The following C3orf22 variants were observed in gnomAD, a reference collection of about 807,000 sequenced individuals.
The protein encoded by C3orf22 is chromosome 3 open reading frame 22.
In C3orf22, 7 loss-of-function variants were observed where a neutral mutation model predicts 10.8. The ratio of observed to expected loss-of-function variants is 0.65; its 90% CI spans 0.37 to 1.22. C3orf22 has a LOEUF of 1.22. Among genes scored for constraint, C3orf22 ranks in the 50% most tolerant of loss-of-function variants. C3orf22 has a pLI of 0.02. For synonymous variants in C3orf22, 79 were observed against 78.9 expected, an observed-to-expected ratio of 1.00 and a Z score of 0.00; for missense variants, 173 against 177.0, an observed-to-expected ratio of 0.98 and a Z score of 0.13.
chr3:126,547,947 CACA>C (rs1937096377), downstream of C3orf22, among the ~76,000 whole-genome samples: 2 of 152,228 alleles, frequency 1.3e-5, no homozygotes, highest in Non-Finnish European at 2.9e-5. Flanking sequence ...GCATCATCAT[CACA>C]TGACTCTTAG....
At chr3:126,541,667 G>A in intron 4 of C3orf22, 2 of 1,350,308 alleles carry the variant, frequency 1.5e-6, no homozygotes, top group South Asian at 1.6e-5. Flanking sequence ...CGCCGGGGCA[G>A]CGCCAGAGTC....
At chr3:126,538,206 G>A (rs925574707) in intron 4 of C3orf22, among the ~76,000 whole-genome samples, 8 of 152,228 alleles carry the variant, frequency 5.3e-5, no homozygotes, top group East Asian at 1.9e-4. Context: ...TGAGCTGCTC[G>A]GAGACTGGCA....
At chr3:126,542,589 G>A in intron 4 of C3orf22, 1 of 1,465,076 alleles carries the variant, frequency 6.8e-7, no homozygotes. Context: ...CGGTCCTGGA[G>A]GTCCTGTGGC....
chr3:126,549,790 TA>T lies in C3orf22; in HGVS notation c.*77del. 3.9e-6 allele frequency: 6 copies of T among 1,531,966 alleles called. No homozygotes were observed. Among genetic ancestry groups the T allele is most frequent in the African/African-American group, 1.4e-5 (1 of 72,908 alleles). The allele number at this position is 1,531,966 out of a possible 1,614,324, so 94.9% of individuals were successfully genotyped here. ...TGGCCATGAAGGCTGATCCCTTTAC[TA>T]AAGTCTCTGTGGCTACTGCCCAGAG... On this transcript the variant is annotated 3_prime_UTR_variant, in exon 4 of 4. Coordinates refer to ENST00000318225, the MANE Select transcript of C3orf22 (RefSeq NM_152533.3).
At chr3:126,542,319 C>T (rs370535687) in intron 4 of C3orf22, 2 of 1,568,850 alleles carry the variant, frequency 1.3e-6, no homozygotes, top group African/African-American at 1.4e-5. Flanking sequence ...CTCTGCCACC[C>T]GTGTCGCCTC....
At chr3:126,551,157 T>A (rs1937173409) in intron 3 of C3orf22, among the ~76,000 whole-genome samples, 1 of 152,190 alleles carries the variant, frequency 6.6e-6, no homozygotes, top group Non-Finnish European at 1.5e-5. Context: ...TCTCCAGGTG[T>A]GTGTTCAGGG....
chr3:126,554,138 C>T (rs1372661454), intron 1 of C3orf22, among the ~76,000 whole-genome samples: 2 of 152,140 alleles, frequency 1.3e-5, no homozygotes, highest in African/African-American at 2.4e-5. Flanking sequence ...CCTCAGCCTC[C>T]CGAGTAGCTG....
chr3:126,556,904 TCACA>T (rs569692320), intron 1 of C3orf22, among the ~76,000 whole-genome samples: 2 of 135,118 alleles, frequency 1.5e-5, no homozygotes, highest in African/African-American at 3.0e-5. Flanking sequence ...ATGCTCAGAC[TCACA>T]CACATAGACA....
At chr3:126,544,854 C>T (rs944223325), downstream of C3orf22, among the ~76,000 whole-genome samples, 7 of 152,242 alleles carry the variant, frequency 4.6e-5, no homozygotes, top group African/African-American at 9.6e-5. Flanking sequence ...CCCAGTGTCA[C>T]CCAGACGCTG....
intron 4 of C3orf22, chr3:126,541,678 A>G (rs1470693146): frequency 7.3e-7 from 1 of 1,368,602 alleles, no homozygotes; most frequent in Non-Finnish European, 9.4e-7. Flanking sequence ...CGCCAGAGTC[A>G]GGGAGCCCGC....
chr3:126,547,954 C>T (rs1258562803), downstream of C3orf22, among the ~76,000 whole-genome samples: 1 of 152,218 alleles, frequency 6.6e-6, no homozygotes, highest in Non-Finnish European at 1.5e-5. Context: ...CATCACATGA[C>T]TCTTAGCAAC....
chr3:126,542,772 G>A, intron 4 of C3orf22: 1 of 766,458 alleles, frequency 1.3e-6, no homozygotes, highest in Non-Finnish European at 1.8e-6. Flanking sequence ...CTGCACGCGT[G>A]TGCCTGCCTC....
chr3:126,549,204 C>T (rs1043365689), downstream of C3orf22, among the ~76,000 whole-genome samples: 2 of 151,780 alleles, frequency 1.3e-5, no homozygotes, highest in Non-Finnish European at 2.9e-5. Context: ...CCCAGGTCCC[C>T]CATTCTCCTC....
chr3:126,542,029 G>A (rs1936970284), intron 4 of C3orf22: 3 of 1,570,542 alleles, frequency 1.9e-6, no homozygotes, highest in Non-Finnish European at 2.6e-6. Flanking sequence ...GCCCCGCCGA[G>A]ATCAACCGGC....
At position 126,558,705 on chromosome 3, in the gene C3orf22, GA is replaced by G. The variant is rs1937411245; in HGVS notation, c.-120del. On this transcript the variant is annotated 5_prime_UTR_variant, in exon 1 of 4. Coordinates refer to ENST00000318225, the MANE Select transcript of C3orf22 (RefSeq NM_152533.3). The stretch of plus-strand genomic sequence containing the variant: ...TCCTGGAACTGCTCCTATCCAGCAA[GA>G]TGCTGGTGTGAGAGCCGCTGTGGCC... 1 of 152,398 alleles carries G rather than the reference GA, an allele frequency of 6.6e-6. No individual in the cohort carries two copies. The highest frequency in any genetic ancestry group is 1.5e-5 in the Non-Finnish European group (1 of 68,162). The allele number at this position is 152,398 out of a possible 1,614,324, so 9.4% of individuals were successfully genotyped here. A position where few individuals can be genotyped will look rare whatever the true frequency, so the allele number is the denominator to read the frequency against.
chr3:126,529,099 C>G (rs1284222917), intron 5 of C3orf22: 2 of 378,012 alleles, frequency 5.3e-6, no homozygotes, highest in Non-Finnish European at 1.0e-5. Context: ...AGTCTGCAAA[C>G]AGCATCCCCC....
At chr3:126,557,105 C>T (rs1937365791) in intron 1 of C3orf22, among the ~76,000 whole-genome samples, 1 of 152,172 alleles carries the variant, frequency 6.6e-6, no homozygotes, top group Non-Finnish European at 1.5e-5. Flanking sequence ...CACACTCACA[C>T]ACAGACACAT....
At chr3:126,537,680 C>G (rs910607821) in intron 4 of C3orf22, among the ~76,000 whole-genome samples, 2 of 152,230 alleles carry the variant, frequency 1.3e-5, no homozygotes, top group African/African-American at 4.8e-5. Flanking sequence ...CAGATGGCCC[C>G]TCACAGCCTG....
At chr3:126,527,684 G>C (rs4465899) in exon 6 of C3orf22, 69,943 of 152,084 alleles carry the variant, frequency 0.46, 16,627 homozygotes, top group African/African-American at 0.58. Flanking sequence ...GGCCTGGCAG[G>C]CATCCTCCTC....
Sources: allele counts gnomAD v4.1 joint callset (sites outside exome capture counted in the v4.1 genomes callset), GRCh38; gene constraint gnomAD v4.1.1; transcripts MANE v1.5; gene names NCBI Gene and HGNC (gene_info 2026-07-23, HGNC 2026-07-21).